Variants in TANGO6 observed in about 807,000 individuals in gnomAD.
TANGO6 encodes transport and Golgi organization protein 6 homolog.
A neutral mutation model predicts 114.2 loss-of-function variants in TANGO6; 90 were observed. That is an observed-to-expected ratio of 0.79 (90% confidence interval 0.66 to 0.94). The LOEUF is 0.94. TANGO6 is among the 40% of genes least tolerant of loss of function. The pLI, the probability that TANGO6 is intolerant of heterozygous loss-of-function variation, is 0.00. For missense variants in TANGO6, 1,274 were observed against 1,315.3 expected (o/e 0.97, Z 0.49); for synonymous variants, 477 against 509.8 (o/e 0.94, Z 0.87).
At chr16:68,984,044 A>G (rs1963868863) in intron 15 of TANGO6, among the ~76,000 whole-genome samples, 1 of 147,934 alleles carries the variant, frequency 6.8e-6, no homozygotes, top group African/African-American at 2.7e-5. Flanking sequence ...AAAAGAAAAA[A>G]AAAAAAAAAA....
At chr16:68,975,013 G>C (rs1245154958) in intron 15 of TANGO6, among the ~76,000 whole-genome samples, 3 of 152,010 alleles carry the variant, frequency 2.0e-5, no homozygotes, top group African/African-American at 7.3e-5. Context: ...AGCAATGATT[G>C]TACCACTGCA....
chr16:68,997,677 G>A (rs1964004282), intron 15 of TANGO6, among the ~76,000 whole-genome samples: 1 of 152,106 alleles, frequency 6.6e-6, no homozygotes, highest in Non-Finnish European at 1.5e-5. Context: ...CAGTCCCACT[G>A]ACCTCTTATC....
rs372364157 is a variant in TANGO6 at position 69,008,142 on chromosome 16, CT to C, written c.2843-14677del. On this transcript the variant is annotated intron_variant, in intron 15 of 17. Transcript: ENST00000261778. Reference sequence around the variant, plus strand: ...GGCTTTTTCTTTCAGAAAAAATAGACTTTTTTTTTAGAGCAGTTATAGGTTC... The same window carrying C: ...GGCTTTTTCTTTCAGAAAAAATAGACTTTTTTTTAGAGCAGTTATAGGTTC... Among the ~76,000 whole-genome samples, 754 of 150,860 alleles carry C rather than the reference CT, an allele frequency of 5.0e-3. 37 individuals carry two copies. The highest frequency in any genetic ancestry group is 0.043 in the Admixed American group (658 of 15,136).
At chr16:69,062,669 C>G (rs1431210477) in intron 17 of TANGO6, among the ~76,000 whole-genome samples, 1 of 150,674 alleles carries the variant, frequency 6.6e-6, no homozygotes, top group Non-Finnish European at 1.5e-5. Flanking sequence ...GACAGGGTTT[C>G]ACCATGTGGG....
chr16:68,898,773 A>G (rs947213609), intron 7 of TANGO6, among the ~76,000 whole-genome samples: 1 of 152,190 alleles, frequency 6.6e-6, no homozygotes, highest in Non-Finnish European at 1.5e-5. Context: ...AACATACACC[A>G]TGAGCATAAT....
chr16:68,851,631 T>C (rs1000879565), intron 1 of TANGO6, among the ~76,000 whole-genome samples: 6 of 152,210 alleles, frequency 3.9e-5, no homozygotes, highest in African/African-American at 1.2e-4. Flanking sequence ...TGAATAGTCT[T>C]GTAAATACGT....
At chr16:68,915,070 A>T (rs1356581855) in intron 11 of TANGO6, among the ~76,000 whole-genome samples, 4 of 148,686 alleles carry the variant, frequency 2.7e-5, no homozygotes, top group Non-Finnish European at 5.9e-5. Context: ...GCTACTCGGG[A>T]GGCTGAGGCA....
In TANGO6 at chr16:68,878,245, T is replaced by C. The variant is rs1395961640; in HGVS notation, c.1259T>C (p.Val420Ala). ...GCAGCAAAGTATTTGCTCCAGCCAG[T>C]GTTAGCTCCTCTTCATCGATGTTTG... ...HLAAKYLLQPVLAPLHRCLNT... is the reference protein window; with the variant it reads ...HLAAKYLLQPALAPLHRCLNT... The change falls in exon 6 of 18, where the codon GTG (valine) becomes GCG (alanine). Residue 420 changes from valine (V) to alanine (A), a missense_variant. By Grantham distance (64) the Val-to-Ala change is moderately conservative. Transcript: ENST00000261778. The C allele has an allele frequency of 6.2e-7, 1 of 1,611,538 alleles. No individual in the cohort carries two copies. The highest frequency in any genetic ancestry group is 8.5e-7 in the Non-Finnish European group (1 of 1,179,042).
intron 3 of TANGO6, among the ~76,000 whole-genome samples, chr16:68,863,709 A>G (rs530305563): frequency 6.6e-6 from 1 of 152,262 alleles, no homozygotes; most frequent in Non-Finnish European, 1.5e-5. Context: ...TTGACAAAAC[A>G]TTCTTTTAGC....
chr16:68,907,565 T>G lies in TANGO6; in HGVS notation c.1790T>G (p.Phe597Cys). Residue 597 changes from phenylalanine to cysteine, a missense_variant, in exon 10 of 18, where the codon TTC (phenylalanine) becomes TGC (cysteine). Physicochemically the swap from Phe to Cys is radical, Grantham distance 205. Transcript: ENST00000261778. ...ECGLAGDFFI[F>C]CLKELTHVAS... Reference sequence around the variant, plus strand: ...GGTTTGGCAGGAGACTTCTTCATCTTCTGTTTGAAAGTAAGAACTACCTGT... The same window carrying G: ...GGTTTGGCAGGAGACTTCTTCATCTGCTGTTTGAAAGTAAGAACTACCTGT... The G allele has an allele frequency of 6.2e-7, 1 of 1,612,614 alleles. No individual in the cohort carries two copies. The highest frequency in any genetic ancestry group is 8.5e-7 in the Non-Finnish European group (1 of 1,179,422).
chr16:68,900,301 T>C, intron 7 of TANGO6, 133 bp from the exon 8 acceptor site: 1 of 692,612 alleles, frequency 1.4e-6, no homozygotes, highest in Non-Finnish European at 2.5e-6. Context: ...GAGCACATCT[T>C]TGGAGCTAAA....
At chr16:68,977,053 T>C (rs896690430) in intron 15 of TANGO6, among the ~76,000 whole-genome samples, 3 of 152,180 alleles carry the variant, frequency 2.0e-5, no homozygotes, top group Non-Finnish European at 2.9e-5. Flanking sequence ...GGGGAAGATT[T>C]TGGAGAACAA....
intron 14 of TANGO6, among the ~76,000 whole-genome samples, chr16:68,968,135 G>A (rs543997639): frequency 3.0e-4 from 46 of 152,024 alleles, no homozygotes; most frequent in African/African-American, 9.4e-4. Flanking sequence ...GCGCCATCTC[G>A]GTTCAATGCA....
chr16:68,975,473 A>T (rs1012379550), intron 15 of TANGO6, among the ~76,000 whole-genome samples: 1 of 151,174 alleles, frequency 6.6e-6, no homozygotes, highest in African/African-American at 2.4e-5. Flanking sequence ...CTCCCACCTC[A>T]GCCTCCCAAA....
intron 15 of TANGO6, among the ~76,000 whole-genome samples, chr16:68,987,876 G>C (rs566859108): frequency 6.6e-6 from 1 of 152,156 alleles, no homozygotes; most frequent in African/African-American, 2.4e-5. Context: ...TGTTTTTGTG[G>C]GTTTCATTTG....
chr16:68,881,653 C>T (rs1962463881), intron 7 of TANGO6, among the ~76,000 whole-genome samples: 1 of 152,028 alleles, frequency 6.6e-6, no homozygotes, highest in Non-Finnish European at 1.5e-5. Flanking sequence ...ATAAATGATT[C>T]CTGCAAATGA....
chr16:68,957,688 C>T (rs1963547221), intron 14 of TANGO6, among the ~76,000 whole-genome samples: 1 of 151,818 alleles, frequency 6.6e-6, no homozygotes, highest in Admixed American at 6.6e-5. Flanking sequence ...CGTGAGTCAC[C>T]ATGCCCAGCA....
chr16:68,943,257 CTTTAT>C (rs1963373978), intron 14 of TANGO6, among the ~76,000 whole-genome samples: 1 of 140,760 alleles, frequency 7.1e-6, no homozygotes, highest in African/African-American at 2.6e-5. Context: ...TCTTTTTTTT[CTTTAT>C]TTTATTTTAT....
At chr16:68,856,181 A>G (rs1961988394) in intron 1 of TANGO6, among the ~76,000 whole-genome samples, 1 of 152,220 alleles carries the variant, frequency 6.6e-6, no homozygotes. Flanking sequence ...AGAAGTGAGA[A>G]TAGACATCCT....
Sources: allele counts gnomAD v4.1 joint callset (sites outside exome capture counted in the v4.1 genomes callset), GRCh38; gene constraint gnomAD v4.1.1; transcripts MANE v1.5; gene names NCBI Gene and HGNC (gene_info 2026-07-23, HGNC 2026-07-21).